NUP58: variants seen among roughly 807,000 people sequenced by gnomAD.
NUP58 encodes nucleoporin 58.
In NUP58, 17 loss-of-function variants were observed where a neutral mutation model predicts 70.1. The observed-to-expected ratio is 0.24, with a 90% confidence interval of 0.17 to 0.36. The LOEUF is 0.36. Ranked by LOEUF, NUP58 falls within the 10% of genes least tolerant of loss-of-function variation. The pLI, the probability that NUP58 is intolerant of heterozygous loss-of-function variation, is 1.00. For missense variants in NUP58, 644 were observed against 701.5 expected, an observed-to-expected ratio of 0.92 and a Z score of 0.93; for synonymous variants, 275 against 257.6, an observed-to-expected ratio of 1.07 and a Z score of -0.65.
intron 13 of NUP58, chr13:25,333,452 A>G: frequency 3.0e-6 from 3 of 985,430 alleles, no homozygotes; most frequent in South Asian, 9.4e-5. Flanking sequence ...TGAAGTCCAC[A>G]TAAGGGCTTT....
At chr13:25,302,773 G>A (rs2137696451) in intron 1 of NUP58, among the ~76,000 whole-genome samples, 1 of 152,288 alleles carries the variant, frequency 6.6e-6, no homozygotes, top group South Asian at 2.1e-4. Context: ...AGCATGACCT[G>A]CAGTTTAAAA....
chr13:25,305,730 T>G (rs1288384654), intron 1 of NUP58, among the ~76,000 whole-genome samples: 1 of 152,202 alleles, frequency 6.6e-6, no homozygotes, highest in Non-Finnish European at 1.5e-5. Flanking sequence ...ATCTTACTTA[T>G]AGTAATTCTA....
chr13:25,313,502 A>G (rs2030775510), intron 4 of NUP58, 112 bp from the exon 5 acceptor site: 1 of 1,055,564 alleles, frequency 9.5e-7, no homozygotes. Flanking sequence ...TAGTTCTTCC[A>G]AAGAGCCAAT....
intron 13 of NUP58, chr13:25,333,775 CTT>C (rs2031690730): frequency 1.0e-6 from 1 of 985,326 alleles, no homozygotes; most frequent in African/African-American, 1.7e-5. Context: ...TCTGTGAAAT[CTT>C]TGTTTTTAAG....
chr13:25,317,003 C>G lies in NUP58; in HGVS notation c.685+1536C>G, dbSNP rs138515885. Among the ~76,000 whole-genome samples the G allele has an allele frequency of 2.6e-5, 4 of 152,200 alleles. No individual in the cohort carries two copies. The East Asian group carries it at 7.7e-4, about 29-fold the overall frequency. The stretch of plus-strand genomic sequence containing the variant: ...TCTCTGATTACTACATCCCAGTTCC[C>G]TTTTATCTATTGCTTATATCAAGGG... On this transcript the variant is annotated intron_variant, in intron 6 of 15. Coordinates refer to ENST00000381736, the MANE Select transcript of NUP58 (RefSeq NM_014089.4).
In NUP58 at chr13:25,331,346, T is replaced by C; in HGVS notation, c.1234-11T>C. 4 of 1,612,570 alleles carry C rather than the reference T, an allele frequency of 2.5e-6. No homozygotes were observed. The highest frequency in any genetic ancestry group is 3.4e-6 in the Non-Finnish European group (4 of 1,178,764). ...AACTTCATTTAGCCGTTTTGTTTAT[T>C]ATTCTTTTAGGTTCTGAAAGAACAG... On this transcript the variant is annotated splice_polypyrimidine_tract_variant and intron_variant, in intron 12 of 15. Transcript: ENST00000381736.
At chr13:25,305,815 C>G (rs1445245931) in intron 1 of NUP58, among the ~76,000 whole-genome samples, 2 of 151,962 alleles carry the variant, frequency 1.3e-5, no homozygotes, top group Non-Finnish European at 1.5e-5. Context: ...TCCTTGTCTC[C>G]CAGTGTTTGC....
chr13:25,315,540 TTG>T, intron 6 of NUP58, 73 bp downstream of exon 6: 1 of 1,015,254 alleles, frequency 9.8e-7, no homozygotes, highest in Non-Finnish European at 1.5e-6. Context: ...CAAAATTCCT[TTG>T]TGTGGAAGAT....
intron 1 of NUP58, among the ~76,000 whole-genome samples, chr13:25,304,224 G>T (rs2030176154): frequency 6.6e-6 from 1 of 152,018 alleles, no homozygotes; most frequent in Non-Finnish European, 1.5e-5. Flanking sequence ...TAACATTCCA[G>T]ATGTGATTGA....
intron 13 of NUP58, chr13:25,334,118 A>T: frequency 2.0e-6 from 2 of 985,298 alleles, no homozygotes; most frequent in African/African-American, 3.5e-5. Flanking sequence ...GGCTGCAGAG[A>T]ATTGAAAATC....
intron 15 of NUP58, 110 bp downstream of exon 15, chr13:25,338,841 G>T (rs552648991): frequency 6.8e-5 from 54 of 794,992 alleles, no homozygotes; most frequent in Admixed American, 1.7e-4. Flanking sequence ...CCCTGATTCA[G>T]TTTTTACTCC....
rs753338026 is a variant in NUP58, at chr13:25,331,550, C to T, written c.1427C>T (p.Pro476Leu). The change falls in exon 13 of 16, where the codon CCT becomes CTT. Residue 476 changes from proline (P) to leucine (L), a missense_variant. Physicochemically the swap from Pro to Leu is moderately conservative, Grantham distance 98 (BLOSUM62 -3). Around this residue, in one of 4 missense-constraint regions of NUP58, gnomAD observed 132 missense variants for 203.9 expected, o/e 0.65. Coordinates refer to ENST00000381736, the MANE Select transcript of NUP58 (RefSeq NM_014089.4). ...GCAACACTTACACAGCAGCAACAGC[C>T]TGCTACAGGTCTGAACGCATTCAAG... Reference protein sequence around the residue: ...MAATLTQQQQPATGPQPSLGV... With the variant: ...MAATLTQQQQLATGPQPSLGV... 3.0e-5 allele frequency: 48 copies of T among 1,613,748 alleles called. No homozygotes were observed. Among genetic ancestry groups the T allele is most frequent in the Non-Finnish European group, 3.6e-5 (42 of 1,179,924 alleles).
Position 25,315,705 on chromosome 13 carries a change from A to G in NUP58, c.685+238A>G, listed in dbSNP as rs1049467642. Among the ~76,000 whole-genome samples, 2 of 152,088 alleles carry G rather than the reference A, an allele frequency of 1.3e-5. 1 individual carries two copies. Among genetic ancestry groups the G allele is most frequent in the Admixed American group, 1.3e-4 (2 of 15,278 alleles). The stretch of plus-strand genomic sequence containing the variant: ...ATTTGTCTGTCAGTAACTCTTTTTA[A>G]ATATTTTAATGCTGCTTAATATCAG... On this transcript the variant is annotated intron_variant, in intron 6 of 15. Coordinates refer to ENST00000381736, the MANE Select transcript of NUP58 (RefSeq NM_014089.4).
At chr13:25,336,176 G>T in intron 13 of NUP58, 1 of 1,362,906 alleles carries the variant, frequency 7.3e-7, no homozygotes, top group Non-Finnish European at 9.8e-7. Flanking sequence ...GGTACACAGC[G>T]GTGCCTTTGT....
Position 25,312,934 on chromosome 13 carries a change from A to G in NUP58, c.338A>G (p.Asn113Ser), listed in dbSNP as rs61756128. 3,526 of 1,614,094 alleles carry G rather than the reference A, an allele frequency of 2.2e-3. 84 individuals carry two copies. In the African/African-American group the frequency reaches 0.042, roughly 19 times the overall value. ...ACAACAGGCTTCAGTTTAGGATTCA[A>G]TAAACCTGCAGCATCTGCCACACCA... is the stretch of plus-strand genomic sequence containing the variant. The part of the protein sequence containing the change: ...AATTGFSLGF[N>S]KPAASATPFA... Residue 113 changes from asparagine (N) to serine (S), a missense_variant, in exon 4 of 16, where the codon AAT becomes AGT. Asn to Ser is a conservative substitution (Grantham distance 46). Around this residue, in one of 4 missense-constraint regions of NUP58, gnomAD observed 430 missense variants for 409.2 expected, o/e 1.05. Coordinates refer to ENST00000381736, the MANE Select transcript of NUP58 (RefSeq NM_014089.4).
chr13:25,344,287 A>G (rs750686200), downstream of NUP58, among the ~76,000 whole-genome samples: 5 of 152,134 alleles, frequency 3.3e-5, no homozygotes, highest in Non-Finnish European at 7.4e-5. Context: ...CGCCTTGACC[A>G]TGTGTGATTT....
chr13:25,347,848 A>C (rs892754683), intron 3 of NUP58, among the ~76,000 whole-genome samples: 2 of 152,238 alleles, frequency 1.3e-5, no homozygotes, highest in African/African-American at 4.8e-5. Flanking sequence ...CTCTTGTTTT[A>C]GTAACTTAAA....
At chr13:25,343,964 A>T (rs906636409), downstream of NUP58, among the ~76,000 whole-genome samples, 2 of 151,930 alleles carry the variant, frequency 1.3e-5, no homozygotes, top group Admixed American at 6.6e-5. Flanking sequence ...GAAAAGTCAT[A>T]TAAATTGTGT....
chr13:25,311,698 G>A (rs1326989070), intron 3 of NUP58, among the ~76,000 whole-genome samples: 2 of 141,250 alleles, frequency 1.4e-5, no homozygotes, highest in Non-Finnish European at 3.0e-5. Context: ...TTTTTTTAAG[G>A]TAACCAAGAT....
Sources: allele counts gnomAD v4.1 joint callset (sites outside exome capture counted in the v4.1 genomes callset), GRCh38; gene constraint gnomAD v4.1.1; regional missense constraint gnomAD v4.1.1; transcripts MANE v1.5; gene names NCBI Gene and HGNC (gene_info 2026-07-23, HGNC 2026-07-21).